The following ANO10 variants were observed in gnomAD, a reference collection of about 807,000 sequenced individuals.
ANO10 encodes anoctamin 10.
ANO10 carries 77 observed loss-of-function variants against 74.7 expected under a neutral mutation model. The ratio of observed to expected loss-of-function variants is 1.03; its 90% CI spans 0.86 to 1.25. The LOEUF (loss-of-function observed/expected upper bound fraction) is 1.25, where lower values mean the gene tolerates loss of function less well. Ranked by LOEUF, ANO10 falls within the 50% of genes most tolerant of loss-of-function variation. ANO10 has a pLI of 0.00. For synonymous variants in ANO10, 279 were observed against 284.9 expected, an observed-to-expected ratio of 0.98 and a Z score of 0.21; for missense variants, 721 against 778.1, an observed-to-expected ratio of 0.93 and a Z score of 0.87.
intron 11 of ANO10, among the ~76,000 whole-genome samples, chr3:43,520,678 T>C (rs1243362346): frequency 3.3e-5 from 5 of 152,184 alleles, no homozygotes; most frequent in African/African-American, 9.7e-5. Context: ...TATGCTACTA[T>C]GATTACTGTA....
chr3:43,640,713 A>G (rs1412129267), intron 1 of ANO10, among the ~76,000 whole-genome samples: 1 of 152,236 alleles, frequency 6.6e-6, no homozygotes, highest in Non-Finnish European at 1.5e-5. Context: ...GATAATTAAT[A>G]TTCATAATAA....
intron 11 of ANO10, among the ~76,000 whole-genome samples, chr3:43,452,620 A>G (rs1395906239): frequency 2.0e-5 from 3 of 152,246 alleles, no homozygotes; most frequent in Non-Finnish European, 4.4e-5. Context: ...GGCTATCACG[A>G]ATAATGCTGC....
intron 11 of ANO10, among the ~76,000 whole-genome samples, chr3:43,479,801 G>A (rs919992660): frequency 2.0e-5 from 3 of 152,122 alleles, no homozygotes; most frequent in South Asian, 2.1e-4. Context: ...ACCTCAGAAC[G>A]GCTGCAGAAG....
chr3:43,387,176 C>T (rs970121543), intron 12 of ANO10, among the ~76,000 whole-genome samples: 1 of 152,154 alleles, frequency 6.6e-6, no homozygotes, highest in Non-Finnish European at 1.5e-5. Flanking sequence ...CTGCCCAGCA[C>T]GTTACTGTAC....
chr3:43,572,433 C>T (rs2080780874), intron 7 of ANO10, among the ~76,000 whole-genome samples: 1 of 152,168 alleles, frequency 6.6e-6, no homozygotes, highest in Non-Finnish European at 1.5e-5. Context: ...GGGCCCCTGC[C>T]ACAAGGGCCT....
At chr3:43,580,938 A>G (rs2081237321) in intron 4 of ANO10, among the ~76,000 whole-genome samples, 1 of 152,200 alleles carries the variant, frequency 6.6e-6, no homozygotes, top group African/African-American at 2.4e-5. Context: ...TCCTTTTAAC[A>G]ATACCATAAT....
intron 12 of ANO10, among the ~76,000 whole-genome samples, chr3:43,367,418 T>C (rs373814389): frequency 1.3e-5 from 2 of 152,262 alleles, no homozygotes; most frequent in South Asian, 4.1e-4. Context: ...TTTTGCAGGG[T>C]GGCTGCAAGT....
chr3:43,408,800 C>T (rs1166197861), intron 12 of ANO10, among the ~76,000 whole-genome samples: 1 of 152,218 alleles, frequency 6.6e-6, no homozygotes, highest in African/African-American at 2.4e-5. Context: ...GAGACTGAGG[C>T]GGGTGGAACA....
rs1294787628 is a variant in ANO10 at position 43,555,424 on chromosome 3, C to T, written c.1522G>A (p.Val508Met). The T allele has an allele frequency of 1.5e-5, 25 of 1,614,038 alleles. No homozygotes were observed. Among genetic ancestry groups the T allele is most frequent in the South Asian group, 5.5e-5 (5 of 91,094 alleles). Residue 508 changes from valine (V) to methionine (M), a missense_variant, in exon 10 of 13, where the codon GTG (valine) becomes ATG (methionine). Physicochemically the swap from Val to Met is conservative, Grantham distance 21. Transcript: ENST00000292246. ...YLELFLQFGY[V>M]SLFSCVYPLA... ...GGGTAAACACAGGAGAAAAGGCTCA[C>T]ATAACCAAACTGCAGGAATAACTCC...
At chr3:43,504,571 AC>A (rs996195607) in intron 11 of ANO10, among the ~76,000 whole-genome samples, 3 of 152,018 alleles carry the variant, frequency 2.0e-5, no homozygotes, top group African/African-American at 7.2e-5. Context: ...CATAAAAAAA[AC>A]AGATTAGTTT....
chr3:43,499,268 C>T (rs905961240), intron 11 of ANO10, among the ~76,000 whole-genome samples: 1 of 152,130 alleles, frequency 6.6e-6, no homozygotes, highest in Non-Finnish European at 1.5e-5. Context: ...CAATCTTTTA[C>T]AGTTGAGGAA....
chr3:43,462,207 T>A (rs567903452), intron 11 of ANO10, among the ~76,000 whole-genome samples: 1 of 152,266 alleles, frequency 6.6e-6, no homozygotes. Flanking sequence ...GTGACTTGGG[T>A]GCTGTTGAAA....
chr3:43,451,662 A>T (rs2074882269), intron 11 of ANO10, among the ~76,000 whole-genome samples: 1 of 152,214 alleles, frequency 6.6e-6, no homozygotes, highest in Non-Finnish European at 1.5e-5. Context: ...CAAAAGAAAT[A>T]CAAGACAATT....
At chr3:43,557,417 C>G (rs1433443824) in intron 9 of ANO10, among the ~76,000 whole-genome samples, 1 of 152,096 alleles carries the variant, frequency 6.6e-6, no homozygotes, top group Non-Finnish European at 1.5e-5. Context: ...GCCCTAAACT[C>G]TTAAAAATTA....
At chr3:43,573,023 C>T (rs527777510) in intron 7 of ANO10, among the ~76,000 whole-genome samples, 3 of 151,504 alleles carry the variant, frequency 2.0e-5, no homozygotes, top group Admixed American at 2.0e-4. Flanking sequence ...AGGAAGTTAC[C>T]TAACTGTATC....
At chr3:43,599,898 T>G (rs2082257516) in intron 3 of ANO10, among the ~76,000 whole-genome samples, 1 of 150,106 alleles carries the variant, frequency 6.7e-6, no homozygotes, top group Non-Finnish European at 1.5e-5. Context: ...AGAGCGAGAC[T>G]CTGTCTCAAA....
intron 7 of ANO10, among the ~76,000 whole-genome samples, chr3:43,566,992 G>C (rs2080392694): frequency 6.6e-6 from 1 of 152,262 alleles, no homozygotes; most frequent in African/African-American, 2.4e-5. Context: ...GCTTAAAGGA[G>C]CTGATGGAGC....
chr3:43,622,410 G>C (rs2083439938), upstream of ANO10, among the ~76,000 whole-genome samples: 1 of 152,208 alleles, frequency 6.6e-6, no homozygotes, highest in South Asian at 2.1e-4. Flanking sequence ...AACCGCGAGC[G>C]GTCGGGGCAG....
At chr3:43,564,657 A>G (rs572143816) in intron 8 of ANO10, among the ~76,000 whole-genome samples, 3 of 152,282 alleles carry the variant, frequency 2.0e-5, no homozygotes, top group Non-Finnish European at 4.4e-5. Flanking sequence ...TGGCTATTAT[A>G]ATGCTGGTGC....
Sources: allele counts gnomAD v4.1 joint callset (sites outside exome capture counted in the v4.1 genomes callset), GRCh38; gene constraint gnomAD v4.1.1; transcripts MANE v1.5; gene names NCBI Gene and HGNC (gene_info 2026-07-23, HGNC 2026-07-21).